The following CHL1 variants were observed in gnomAD, a reference collection of about 807,000 sequenced individuals.
The protein encoded by CHL1 is neural cell adhesion molecule L1-like protein.
CHL1 carries 96 observed loss-of-function variants against 141.9 expected under a neutral mutation model. That is an observed-to-expected ratio of 0.68 (90% CI 0.57 to 0.80). The LOEUF (loss-of-function observed/expected upper bound fraction) is 0.80, where lower values mean the gene tolerates loss of function less well. Among genes scored for constraint, CHL1 ranks in the 30% least tolerant of loss-of-function variants. CHL1 has a pLI of 0.00. For missense variants in CHL1, 1,820 were observed against 1,457.2 expected (o/e 1.25, Z -4.05); for synonymous variants, 613 against 502.2 (o/e 1.22, Z -2.95).
intron 2 of CHL1, among the ~76,000 whole-genome samples, chr3:282,338 T>C (rs906898783): frequency 3.9e-5 from 6 of 152,232 alleles, no homozygotes; most frequent in African/African-American, 2.4e-5. Context: ...TAACGTGGTA[T>C]TATAATTCTT....
chr3:217,462 G>A (rs1207829425), intron 1 of CHL1: 2 of 152,236 alleles, frequency 1.3e-5, no homozygotes, highest in East Asian at 3.9e-4. Context: ...ACAAAGGACT[G>A]TGATAGAAAA....
chr3:333,126 T>C (rs1038633129), intron 5 of CHL1, among the ~76,000 whole-genome samples: 1 of 100,528 alleles, frequency 9.9e-6, no homozygotes, highest in African/African-American at 4.1e-5. Context: ...ATTGCTCTAT[T>C]TTTTTTATTT....
intron 23 of CHL1, among the ~76,000 whole-genome samples, chr3:392,274 G>T (rs1386527075): frequency 1.3e-5 from 2 of 152,216 alleles, no homozygotes; most frequent in African/African-American, 4.8e-5. Context: ...TCAAAGCATA[G>T]GTACCTTCCA....
chr3:382,529 G>A lies in CHL1; in HGVS notation c.2034G>A (p.Leu678=). The change falls in exon 18 of 28, where the codon CTG becomes CTA. Residue 678 remains leucine, a synonymous_variant. Coordinates refer to ENST00000256509, the MANE Select transcript of CHL1 (RefSeq NM_006614.4). ...AAGAGCCTGGAAGGTGGGAGGAACT[G>A]ACCAGAGTCCAAGGAAAGAAAACCA... ...NKEEPGRWEE[L]TRVQGKKTTV... The A allele has an allele frequency of 6.2e-7, 1 of 1,613,890 alleles. No homozygotes were observed.
chr3:343,032 G>C lies in CHL1; in HGVS notation c.727+1G>C, dbSNP rs760138606. Reference sequence around the variant, plus strand: ...TCATCCACAGAAATTGGTTCCAAGGGTAAGTTGAACCCATGTGGAGTGTTG... The same window carrying C: ...TCATCCACAGAAATTGGTTCCAAGGCTAAGTTGAACCCATGTGGAGTGTTG... On this transcript the variant is annotated splice_donor_variant, in intron 8 of 27. Coordinates refer to ENST00000256509, the MANE Select transcript of CHL1 (RefSeq NM_006614.4). LOFTEE classifies it high-confidence loss of function. 1 of 1,606,074 alleles carries C rather than the reference G, an allele frequency of 6.2e-7. No homozygotes were observed. The highest frequency in any genetic ancestry group is 8.5e-7 in the Non-Finnish European group (1 of 1,176,946).
At chr3:363,159 A>T in intron 13 of CHL1, 58 bp from the exon 14 acceptor site, 1 of 1,469,332 alleles carries the variant, frequency 6.8e-7, no homozygotes. Context: ...GACTAGTATT[A>T]AAAAGCGTAT....
chr3:240,348 T>A (rs530614736), intron 1 of CHL1, among the ~76,000 whole-genome samples: 56 of 152,334 alleles, frequency 3.7e-4, no homozygotes, highest in Non-Finnish European at 2.9e-5. Flanking sequence ...TGATCATTAG[T>A]GATGTTGAGC....
intron 10 of CHL1, among the ~76,000 whole-genome samples, chr3:350,456 T>C (rs1703146417): frequency 6.6e-6 from 1 of 152,216 alleles, no homozygotes; most frequent in Non-Finnish European, 1.5e-5. Context: ...TAGTGCAGTG[T>C]AAGCTTAGCT....
intron 2 of CHL1, among the ~76,000 whole-genome samples, chr3:263,421 T>C (rs149728542): frequency 7.3e-4 from 111 of 152,368 alleles, no homozygotes; most frequent in African/African-American, 2.4e-3. Context: ...GTCAACTGTT[T>C]CTTTGTATCC....
chr3:383,433 C>G (rs1707298065), intron 18 of CHL1, among the ~76,000 whole-genome samples: 1 of 152,076 alleles, frequency 6.6e-6, no homozygotes, highest in African/African-American at 2.4e-5. Context: ...CAAATATTCA[C>G]AACATATGTT....
intron 2 of CHL1, among the ~76,000 whole-genome samples, chr3:289,847 C>G (rs937231158): frequency 2.0e-5 from 3 of 150,798 alleles, no homozygotes; most frequent in African/African-American, 7.3e-5. Flanking sequence ...CATATTGATG[C>G]TCATGTGCTT....
At chr3:364,277 C>T (rs867146513) in intron 14 of CHL1, among the ~76,000 whole-genome samples, 1 of 152,156 alleles carries the variant, frequency 6.6e-6, no homozygotes, top group South Asian at 2.1e-4. Context: ...ATTTTTAAAG[C>T]ACTCAAATAC....
chr3:399,606 C>T (rs995994943), intron 26 of CHL1, among the ~76,000 whole-genome samples: 5 of 152,118 alleles, frequency 3.3e-5, no homozygotes, highest in Non-Finnish European at 7.3e-5. Flanking sequence ...TGCCACTGTA[C>T]TTCAGCTTGG....
At chr3:249,780 C>G (rs1693514495) in intron 2 of CHL1, among the ~76,000 whole-genome samples, 1 of 151,988 alleles carries the variant, frequency 6.6e-6, no homozygotes, top group Non-Finnish European at 1.5e-5. Flanking sequence ...TGTTAACTTC[C>G]TGTTAACCAG....
chr3:314,557 C>A (rs992515071), intron 2 of CHL1, among the ~76,000 whole-genome samples: 6 of 151,656 alleles, frequency 4.0e-5, no homozygotes, highest in Non-Finnish European at 5.9e-5. Flanking sequence ...CTGATACTGA[C>A]CAGCTGGTTC....
At chr3:396,915 T>TGATC in intron 24 of CHL1, among the ~76,000 whole-genome samples, 1 of 152,296 alleles carries the variant, frequency 6.6e-6, no homozygotes, top group South Asian at 2.1e-4. Flanking sequence ...ACTCTAAAAA[T>TGATC]GATCACTTGT....
intron 5 of CHL1, among the ~76,000 whole-genome samples, chr3:335,844 G>A (rs537381799): frequency 2.9e-4 from 44 of 152,270 alleles, no homozygotes; most frequent in African/African-American, 9.6e-4. Flanking sequence ...AGGAGCAGCA[G>A]CAGAAGAAAA....
chr3:327,811 G>C (rs1701128265), intron 4 of CHL1, among the ~76,000 whole-genome samples: 1 of 151,886 alleles, frequency 6.6e-6, no homozygotes, highest in African/African-American at 2.4e-5. Flanking sequence ...GGGATTTTGA[G>C]TGAGTTCCTT....
chr3:354,775 A>G lies in CHL1; in HGVS notation c.1165+4A>G. On this transcript the variant is annotated splice_donor_region_variant and intron_variant, in intron 11 of 27. Coordinates refer to ENST00000256509, the MANE Select transcript of CHL1 (RefSeq NM_006614.4). ...GTCAATGGCTCCCCAGTTGACAGTA[A>G]GTTTAAAAACCAATTGCAATGCAAT... is the stretch of plus-strand genomic sequence containing the variant. 1 of 1,613,378 alleles carries G rather than the reference A, an allele frequency of 6.2e-7. No homozygotes were observed. Among genetic ancestry groups the G allele is most frequent in the East Asian group, 2.2e-5 (1 of 44,862 alleles).
Sources: gnomAD v4.1 joint callset for allele counts (sites outside exome capture counted in the v4.1 genomes callset) on GRCh38, gnomAD v4.1.1 for gene constraint, MANE v1.5 for transcripts, NCBI Gene and HGNC (gene_info 2026-07-23, HGNC 2026-07-21) for gene names.